The following CHAF1B variants were observed in gnomAD, a reference collection of about 807,000 sequenced individuals.
CHAF1B encodes the protein CAF-1 subunit B.
CHAF1B carries 10 observed loss-of-function variants against 60.7 expected under a neutral mutation model. The observed-to-expected ratio is 0.16, with a 90% CI of 0.10 to 0.28. The LOEUF is 0.28. Ranked by LOEUF, CHAF1B falls within the 10% of genes least tolerant of loss-of-function variation. The pLI, the probability that CHAF1B is intolerant of heterozygous loss-of-function variation, is 1.00. For missense variants in CHAF1B, 558 were observed against 708.4 expected, an observed-to-expected ratio of 0.79 and a Z score of 2.41; for synonymous variants, 261 against 266.1, an observed-to-expected ratio of 0.98 and a Z score of 0.19.
Position 36,412,369 on chromosome 21 carries a change from G to GT in CHAF1B, c.1062-505dup, listed in dbSNP as rs201221145. On this transcript the variant is annotated intron_variant, in intron 11 of 13. Transcript: ENST00000314103. Reference sequence around the variant, plus strand: ...CGTGGCCTGCTTGGCCCAGTGTGAGGTTTTTTTTTTGAAACAGAGTCTCAC... The same window carrying GT: ...CGTGGCCTGCTTGGCCCAGTGTGAGGTTTTTTTTTTTGAAACAGAGTCTCAC... Among the ~76,000 whole-genome samples, 559 of 149,172 alleles carry GT rather than the reference G, an allele frequency of 3.7e-3. 4 individuals are homozygous for GT. The highest frequency in any genetic ancestry group is 0.014 in the South Asian group (64 of 4,694).
At chr21:36,389,000 A>T (rs1304956747) in intron 3 of CHAF1B, 2 of 152,264 alleles carry the variant, frequency 1.3e-5, no homozygotes, top group Middle Eastern at 3.4e-3. Context: ...ACAGTGACAT[A>T]CTTGTTGTAA....
At chr21:36,404,452 G>T in intron 8 of CHAF1B, among the ~76,000 whole-genome samples, 1 of 138,516 alleles carries the variant, frequency 7.2e-6, no homozygotes, top group East Asian at 2.1e-4. Context: ...TATTTATTTT[G>T]AGATGGAGTT....
At chr21:36,400,920 G>A (rs1459683077) in intron 7 of CHAF1B, among the ~76,000 whole-genome samples, 1 of 152,196 alleles carries the variant, frequency 6.6e-6, no homozygotes, top group Non-Finnish European at 1.5e-5. Flanking sequence ...ACCAGGGTAA[G>A]GCAGTGTGGG....
intron 10 of CHAF1B, among the ~76,000 whole-genome samples, chr21:36,410,421 A>G (rs2086268979): frequency 6.6e-6 from 1 of 152,184 alleles, no homozygotes; most frequent in South Asian, 2.1e-4. Flanking sequence ...CATGTATTAT[A>G]TTAGGTCCTT....
In CHAF1B at chr21:36,394,618, A is replaced by G. The variant is rs762642304; in HGVS notation, c.449A>G (p.Asp150Gly). The G allele has an allele frequency of 4.3e-6, 7 of 1,612,574 alleles. No homozygotes were observed. The highest frequency in any genetic ancestry group is 1.3e-5 in the African/African-American group (1 of 74,982). ...DGNLMASASV[D>G]NTAIIWDVSK... is the part of the protein sequence containing the mutation. ...AATTTAATGGCTTCTGCCTCTGTGG[A>G]TAACACAGCCATCATATGGGATGTC... Residue 150 changes from aspartate to glycine, a missense_variant, in exon 5 of 14, where the codon GAT becomes GGT. This residue lies in a region of CHAF1B where 325 missense variants were observed against 493.5 expected (regional missense o/e 0.66). Transcript: ENST00000314103.
chr21:36,387,307 C>T (rs963007727), intron 2 of CHAF1B, among the ~76,000 whole-genome samples: 9 of 151,366 alleles, frequency 5.9e-5, no homozygotes, highest in African/African-American at 1.2e-4. Flanking sequence ...AGTGCAGCCC[C>T]GACCCGGGGC....
rs201948252 is a variant in CHAF1B, at chr21:36,391,687, T to C, written c.377+19T>C. The C allele has an allele frequency of 2.2e-5, 32 of 1,457,738 alleles. No homozygotes were observed. The East Asian group carries it at 7.3e-4, about 33-fold the overall frequency. The allele number at this position is 1,457,738 out of a possible 1,614,324, so 90.3% of individuals were successfully genotyped here. ...CTCTGCGGTAACTTGGGAGGGACCA[T>C]GGCAGTGATCTCTGTTTACGATGAG... On this transcript the variant is annotated intron_variant, in intron 4 of 13. Transcript: ENST00000314103.
intron 7 of CHAF1B, among the ~76,000 whole-genome samples, chr21:36,401,525 A>G (rs2086190004): frequency 1.3e-5 from 1 of 76,152 alleles, no homozygotes; most frequent in East Asian, 3.6e-4. Context: ...CATAATATAT[A>G]TTTTTATATT....
rs540271113 is a variant in CHAF1B, at chr21:36,404,464, C to T, written c.757+1613C>T. Among the ~76,000 whole-genome samples, 114 of 146,498 alleles carry T rather than the reference C, an allele frequency of 7.8e-4. 1 individual carries two copies. Among genetic ancestry groups the T allele is most frequent in the African/African-American group, 2.7e-3 (106 of 39,510 alleles). On this transcript the variant is annotated intron_variant, in intron 8 of 13. Transcript: ENST00000314103. ...ATTTATTTATTTTGAGATGGAGTTT[C>T]GCTCTTGTTACCCAGGCTGGAGTGC...
Position 36,417,904 on chromosome 21 carries a change from A to G in CHAF1B, c.*1538A>G, listed in dbSNP as rs1401840475. On this transcript the variant is annotated 3_prime_UTR_variant, in exon 14 of 14. Transcript: ENST00000314103. Reference sequence around the variant, plus strand: ...TCTGGGGTATGTTCTGAATATTAGGATTTCTTAAAGCTCCTGGAGTAATTC... The same window carrying G: ...TCTGGGGTATGTTCTGAATATTAGGGTTTCTTAAAGCTCCTGGAGTAATTC... 1.3e-5 allele frequency: 2 copies of G among 152,028 alleles called. No individual in the cohort carries two copies. Among genetic ancestry groups the G allele is most frequent in the East Asian group, 1.9e-4 (1 of 5,184 alleles). The allele number at this position is 152,028 out of a possible 1,614,324, so 9.4% of individuals were successfully genotyped here.
chr21:36,402,721 C>CA (rs746473282), intron 7 of CHAF1B, 37 bp from the exon 8 acceptor site: 22 of 1,548,506 alleles, frequency 1.4e-5, no homozygotes, highest in South Asian at 3.5e-5. Flanking sequence ...AGAAAACAAA[C>CA]AAAAAAAATA....
chr21:36,415,663 G>C (rs1376503785), intron 13 of CHAF1B: 3 of 488,960 alleles, frequency 6.1e-6, no homozygotes, highest in Non-Finnish European at 1.1e-5. Flanking sequence ...TTGTGGGCCA[G>C]GCAATTCTTT....
chr21:36,397,653 C>A, intron 6 of CHAF1B, 142 bp downstream of exon 6: 2 of 345,618 alleles, frequency 5.8e-6, no homozygotes, highest in Non-Finnish European at 1.1e-5. Context: ...CTCATTCTTA[C>A]AACATAATCA....
chr21:36,391,167 T>C (rs549166781), intron 3 of CHAF1B, among the ~76,000 whole-genome samples: 313 of 152,292 alleles, frequency 2.1e-3, no homozygotes, highest in Non-Finnish European at 2.4e-3. Flanking sequence ...GACCCTTCTG[T>C]TTAAGGTGAT....
At chr21:36,410,674 CT>C (rs59272936) in intron 10 of CHAF1B, among the ~76,000 whole-genome samples, 1,782 of 141,722 alleles carry the variant, frequency 0.013, 11 homozygotes, top group African/African-American at 0.024. Flanking sequence ...TTGCTGCTTT[CT>C]TTTTTTTTTT....
chr21:36,392,512 G>GCC (rs572544827), intron 4 of CHAF1B, among the ~76,000 whole-genome samples: 3 of 150,832 alleles, frequency 2.0e-5, no homozygotes, highest in Admixed American at 2.0e-4. Context: ...GGGCAGAGGC[G>GCC]CCCCCCACCT....
chr21:36,404,049 A>G (rs2086214541), intron 8 of CHAF1B, among the ~76,000 whole-genome samples: 1 of 151,776 alleles, frequency 6.6e-6, no homozygotes, highest in Non-Finnish European at 1.5e-5. Context: ...GGTTATATTT[A>G]CTAAAGTTAG....
intron 4 of CHAF1B, among the ~76,000 whole-genome samples, chr21:36,393,081 G>A (rs562946530): frequency 1.3e-5 from 2 of 152,202 alleles, no homozygotes; most frequent in Non-Finnish European, 1.5e-5. Context: ...GCGTGGCGGC[G>A]TGCGCCTGCA....
intron 8 of CHAF1B, among the ~76,000 whole-genome samples, chr21:36,403,156 C>T (rs1406846860): frequency 6.6e-6 from 1 of 151,974 alleles, no homozygotes; most frequent in Non-Finnish European, 1.5e-5. Context: ...GGCATTTTCT[C>T]TTAGATAAAT....
Sources: gnomAD v4.1 joint callset for allele counts (sites outside exome capture counted in the v4.1 genomes callset) on GRCh38, gnomAD v4.1.1 for gene constraint, gnomAD v4.1.1 regional missense constraint, MANE v1.5 for transcripts, NCBI Gene and HGNC (gene_info 2026-07-23, HGNC 2026-07-21) for gene names.